AGBL1: variants seen among roughly 807,000 people sequenced by gnomAD.
AGBL1 encodes AGBL carboxypeptidase 1, also known as cytosolic carboxypeptidase 4.
A neutral mutation model predicts 118.9 loss-of-function variants in AGBL1; 130 were observed. That is an observed-to-expected ratio of 1.09 (90% CI 0.95 to 1.26). The LOEUF is 1.26. AGBL1 is among the 50% of genes most tolerant of loss of function. AGBL1 has a pLI of 0.00. For synonymous variants in AGBL1, 555 were observed against 478.9 expected (o/e 1.16, Z -2.08); for missense variants, 1,584 against 1,298.1 (o/e 1.22, Z -3.38).
chr15:86,195,696 T>A (rs971234547), intron 5 of AGBL1, among the ~76,000 whole-genome samples: 1 of 152,146 alleles, frequency 6.6e-6, no homozygotes, highest in African/African-American at 2.4e-5. Flanking sequence ...CATATAGCAT[T>A]TTTTATTGAG....
intron 1 of AGBL1, among the ~76,000 whole-genome samples, chr15:86,128,358 A>T (rs1182202952): frequency 3.3e-5 from 5 of 152,094 alleles, no homozygotes; most frequent in African/African-American, 9.7e-5. Flanking sequence ...TGATTCAATG[A>T]TCTCCACCTG....
At chr15:86,386,411 A>T (rs2081196694) in intron 17 of AGBL1, among the ~76,000 whole-genome samples, 1 of 149,474 alleles carries the variant, frequency 6.7e-6, no homozygotes, top group Non-Finnish European at 1.5e-5. Flanking sequence ...TTTATGCTAG[A>T]CGAGGGGTGG....
In AGBL1 at chr15:86,532,075, C is replaced by T. The variant is rs866970786; in HGVS notation, c.2685+9136C>T. 9.3e-3 allele frequency among the ~76,000 whole-genome samples: 1,416 copies of T among 151,456 alleles called. 21 individuals are homozygous for T. The highest frequency in any genetic ancestry group is 0.031 in the African/African-American group (1,260 of 41,262). ...AAGACAGGGATGCCCTCTCTCACCG[C>T]TCCTATTCAACATAGTGTTGGAAGT... On this transcript the variant is annotated intron_variant, in intron 19 of 22. Coordinates refer to ENST00000614907, the MANE Select transcript of AGBL1 (RefSeq NM_001386094.1).
At chr15:86,778,501 C>A (rs1015358811) in intron 22 of AGBL1, among the ~76,000 whole-genome samples, 3 of 152,202 alleles carry the variant, frequency 2.0e-5, no homozygotes, top group Admixed American at 6.5e-5. Flanking sequence ...AGAGGCCTAC[C>A]CTCAGGGACG....
At chr15:86,562,277 G>A (rs559853382) in intron 21 of AGBL1, among the ~76,000 whole-genome samples, 1 of 152,136 alleles carries the variant, frequency 6.6e-6, no homozygotes, top group African/African-American at 2.4e-5. Context: ...TTGGCTGTGG[G>A]TTTGTCATAA....
intron 22 of AGBL1, among the ~76,000 whole-genome samples, chr15:86,771,148 A>G (rs954225805): frequency 6.6e-6 from 1 of 152,050 alleles, no homozygotes; most frequent in Non-Finnish European, 1.5e-5. Flanking sequence ...TACGCACCGG[A>G]CTTGACTAGA....
rs537811461 is a variant in AGBL1 at position 86,320,808 on chromosome 15, A to G, written c.2374+25400A>G. The stretch of plus-strand genomic sequence containing the variant: ...CACTTGCTATAAGATTTTTAACATG[A>G]ATGGATGTTGAATTTTATTACATGC... On this transcript the variant is annotated intron_variant, in intron 17 of 22. Transcript: ENST00000614907. Among the ~76,000 whole-genome samples the G allele has an allele frequency of 3.9e-5, 6 of 151,988 alleles. No homozygotes were observed. In the South Asian group the frequency reaches 6.2e-4, roughly 16 times the overall value.
At chr15:86,484,903 A>C (rs1312534602) in intron 18 of AGBL1, among the ~76,000 whole-genome samples, 1 of 152,102 alleles carries the variant, frequency 6.6e-6, no homozygotes, top group Non-Finnish European at 1.5e-5. Flanking sequence ...GGATTGTTCC[A>C]CTCTGTTTTA....
chr15:86,938,840 C>A (rs892579730), intron 23 of AGBL1: 1 of 152,120 alleles, frequency 6.6e-6, no homozygotes, highest in African/African-American at 2.4e-5. Flanking sequence ...ATTTATTCAC[C>A]GCCTGGGTTT....
chr15:86,818,616 C>T (rs2078898126), intron 22 of AGBL1, among the ~76,000 whole-genome samples: 1 of 152,024 alleles, frequency 6.6e-6, no homozygotes, highest in Non-Finnish European at 1.5e-5. Context: ...GGGAGCATAT[C>T]ACCTAGATGG....
At chr15:87,026,657 A>G (rs2141813180) in intron 24 of AGBL1, among the ~76,000 whole-genome samples, 1 of 151,954 alleles carries the variant, frequency 6.6e-6, no homozygotes, top group South Asian at 2.1e-4. Flanking sequence ...ACCTACCCAG[A>G]GTCATTATAC....
intron 21 of AGBL1, among the ~76,000 whole-genome samples, chr15:86,620,068 T>G (rs554671251): frequency 1.3e-5 from 2 of 152,226 alleles, no homozygotes; most frequent in Admixed American, 6.5e-5. Context: ...GTGTTTTTAT[T>G]AAAACACTGT....
rs561579461 is a variant in AGBL1 at position 86,780,865 on chromosome 15, A to G, written c.3158+106429A>G. Among the ~76,000 whole-genome samples the G allele has an allele frequency of 1.8e-4, 27 of 151,998 alleles. No individual in the cohort carries two copies. The South Asian group carries it at 4.8e-3, about 27-fold the overall frequency. ...GTATTTTTAGTAGAGACGTGGTTTC[A>G]CCATGTTTGCCTGTCTGATTTTGAA... On this transcript the variant is annotated intron_variant, in intron 22 of 22. Transcript: ENST00000614907.
At chr15:86,721,922 T>A (rs2086728104) in intron 22 of AGBL1, among the ~76,000 whole-genome samples, 1 of 152,016 alleles carries the variant, frequency 6.6e-6, no homozygotes, top group African/African-American at 2.4e-5. Context: ...TCAAAGAGAA[T>A]AAAATACCTA....
chr15:86,923,114 G>A (rs191167040), intron 23 of AGBL1, among the ~76,000 whole-genome samples: 53 of 152,296 alleles, frequency 3.5e-4, no homozygotes, highest in African/African-American at 1.1e-3. Flanking sequence ...TCACTAATGT[G>A]GTGATGTGTC....
At chr15:86,218,112 C>G (rs890531535) in intron 5 of AGBL1, among the ~76,000 whole-genome samples, 1 of 152,080 alleles carries the variant, frequency 6.6e-6, no homozygotes, top group Non-Finnish European at 1.5e-5. Context: ...TATGTTCCAA[C>G]CAAGGACCAA....
chr15:86,132,199 G>C (rs376464983), intron 1 of AGBL1, among the ~76,000 whole-genome samples: 2 of 152,152 alleles, frequency 1.3e-5, no homozygotes, highest in East Asian at 1.9e-4. Context: ...TTCTGCTTTA[G>C]ACTAGCTTGC....
At chr15:86,373,756 G>T (rs902643323) in intron 17 of AGBL1, among the ~76,000 whole-genome samples, 7 of 152,138 alleles carry the variant, frequency 4.6e-5, no homozygotes, top group African/African-American at 1.7e-4. Flanking sequence ...TCTCACATTC[G>T]GTCTGGGTTC....
At chr15:86,940,083 TTTTTTG>T in intron 23 of AGBL1, among the ~76,000 whole-genome samples, 1 of 121,270 alleles carries the variant, frequency 8.2e-6, no homozygotes, top group African/African-American at 3.5e-5. Flanking sequence ...TTTTTTTTTT[TTTTTTG>T]GTAGAGACGG....
Sources: allele counts gnomAD v4.1 joint callset (sites outside exome capture counted in the v4.1 genomes callset), GRCh38; gene constraint gnomAD v4.1.1; transcripts MANE v1.5; gene names NCBI Gene and HGNC (gene_info 2026-07-23, HGNC 2026-07-21).